CBL: variants seen among roughly 807,000 people sequenced by gnomAD.
CBL encodes Cbl proto-oncogene.
In CBL, 45 loss-of-function variants were observed where a neutral mutation model predicts 96.9. The observed-to-expected ratio is 0.46, with a 90% CI of 0.37 to 0.60. The LOEUF (loss-of-function observed/expected upper bound fraction) is 0.60. Among genes scored for constraint, CBL ranks in the 20% least tolerant of loss-of-function variants. The pLI is 0.00. For synonymous variants in CBL, 420 were observed against 426.8 expected (o/e 0.98, Z 0.20); for missense variants, 1,024 against 1,143.5 (o/e 0.90, Z 1.51).
At chr11:119,261,269 T>A (rs573904574) in intron 2 of CBL, among the ~76,000 whole-genome samples, 2 of 152,304 alleles carry the variant, frequency 1.3e-5, no homozygotes, top group East Asian at 3.9e-4. Flanking sequence ...TTTGTCCCTT[T>A]TAATAGTCTT....
At chr11:119,245,361 G>A (rs984255193) in intron 2 of CBL, among the ~76,000 whole-genome samples, 1 of 151,936 alleles carries the variant, frequency 6.6e-6, no homozygotes, top group East Asian at 1.9e-4. Context: ...TATTAAAACC[G>A]AGAGATTTAA....
At chr11:119,253,354 A>G (rs1949684977) in intron 2 of CBL, among the ~76,000 whole-genome samples, 1 of 150,064 alleles carries the variant, frequency 6.7e-6, no homozygotes, top group Non-Finnish European at 1.5e-5. Context: ...ACCGTGGCAT[A>G]TGCCTGTAGT....
chr11:119,261,753 A>G (rs1217683562), intron 2 of CBL, among the ~76,000 whole-genome samples: 11 of 152,248 alleles, frequency 7.2e-5, no homozygotes, highest in Admixed American at 5.2e-4. Context: ...AGTGAACTCA[A>G]AAGTTATTTT....
At chr11:119,237,580 A>G (rs932548486) in intron 2 of CBL, among the ~76,000 whole-genome samples, 10 of 152,176 alleles carry the variant, frequency 6.6e-5, no homozygotes, top group Non-Finnish European at 1.0e-4. Flanking sequence ...TAGAGGTCCA[A>G]CTTGATTCTC....
At chr11:119,228,728 A>G (rs1949478350) in intron 1 of CBL, among the ~76,000 whole-genome samples, 1 of 151,616 alleles carries the variant, frequency 6.6e-6, no homozygotes, top group Non-Finnish European at 1.5e-5. Context: ...TCACTCAAGC[A>G]ATCCTTCTGC....
chr11:119,278,794 C>A, intron 9 of CBL, 81 bp downstream of exon 9: 2 of 1,005,182 alleles, frequency 2.0e-6, no homozygotes, highest in Non-Finnish European at 3.2e-6. Context: ...GATATCCAAA[C>A]TACAATGATA....
At chr11:119,270,434 ATATTTTTTTTT>A (rs1565870005) in intron 2 of CBL, among the ~76,000 whole-genome samples, 2 of 41,546 alleles carry the variant, frequency 4.8e-5, no homozygotes, top group South Asian at 1.5e-3. Context: ...ATATATATAT[ATATTTTTTTTT>A]TTTTTTTTTT....
In CBL at chr11:119,305,358, T is replaced by C. The variant is rs937641858; in HGVS notation, c.*5577T>C. 2.6e-5 allele frequency: 6 copies of C among 231,908 alleles called. No individual in the cohort carries two copies. Among genetic ancestry groups the C allele is most frequent in the African/African-American group, 1.3e-4 (6 of 45,268 alleles). The allele number at this position is 231,908 out of a possible 1,614,324, so 14.4% of individuals were successfully genotyped here. A position where few individuals can be genotyped will look rare whatever the true frequency, so the allele number is the denominator to read the frequency against. The stretch of plus-strand genomic sequence containing the variant: ...AGCCTCCATTCAGCCTCAGGTCTTT[T>C]GCCTTCTTCCGTGTTTATTTAGAGA... On this transcript the variant is annotated 3_prime_UTR_variant, in exon 16 of 16. Coordinates refer to ENST00000264033, the MANE Select transcript of CBL (RefSeq NM_005188.4).
At chr11:119,286,358 A>G (rs1949984467) in intron 11 of CBL, among the ~76,000 whole-genome samples, 1 of 152,230 alleles carries the variant, frequency 6.6e-6, no homozygotes, top group African/African-American at 2.4e-5. Flanking sequence ...ATTGCAGTAA[A>G]TGTCCTTTCA....
chr11:119,213,584 A>G (rs894198020), intron 1 of CBL, among the ~76,000 whole-genome samples: 2 of 152,196 alleles, frequency 1.3e-5, no homozygotes, highest in East Asian at 3.8e-4. Flanking sequence ...CTTCTGTAAT[A>G]GTAGATACTT....
At chr11:119,299,058 T>A (rs189023722) in intron 15 of CBL, among the ~76,000 whole-genome samples, 2 of 152,344 alleles carry the variant, frequency 1.3e-5, no homozygotes, top group East Asian at 3.9e-4. Context: ...TGAAAAAGAA[T>A]ACAGCCTTCG....
chr11:119,218,524 G>A (rs1304569522), intron 1 of CBL, among the ~76,000 whole-genome samples: 4 of 152,222 alleles, frequency 2.6e-5, no homozygotes, highest in African/African-American at 7.2e-5. Context: ...TAATCCATAA[G>A]TTTTAAATTG....
intron 2 of CBL, among the ~76,000 whole-genome samples, chr11:119,246,433 C>T (rs1222332097): frequency 2.0e-5 from 3 of 151,908 alleles, no homozygotes; most frequent in African/African-American, 7.3e-5. Context: ...TCATACTTTA[C>T]CAAAACTGAA....
chr11:119,277,237 T>TCACA (rs1478200397), intron 6 of CBL, among the ~76,000 whole-genome samples: 3 of 57,882 alleles, frequency 5.2e-5, no homozygotes, highest in African/African-American at 3.0e-4. Flanking sequence ...TAAGAATCTG[T>TCACA]CGCGCACACA....
chr11:119,238,116 C>T (rs1349552381), intron 2 of CBL, among the ~76,000 whole-genome samples: 1 of 152,050 alleles, frequency 6.6e-6, no homozygotes, highest in Non-Finnish European at 1.5e-5. Flanking sequence ...AAGTGATCTG[C>T]CCACTGCAGC....
rs931319585 is a variant in CBL at position 119,305,398 on chromosome 11, C to T, written c.*5617C>T. The T allele has an allele frequency of 3.0e-5, 7 of 230,308 alleles. No homozygotes were observed. Among genetic ancestry groups the T allele is most frequent in the African/African-American group, 6.6e-5 (3 of 45,134 alleles). The allele number at this position is 230,308 out of a possible 1,614,324, so 14.3% of individuals were successfully genotyped here. A position where few individuals can be genotyped will look rare whatever the true frequency, so the allele number is the denominator to read the frequency against. On this transcript the variant is annotated 3_prime_UTR_variant, in exon 16 of 16. Transcript: ENST00000264033. The stretch of plus-strand genomic sequence containing the variant: ...TTATTTAGAGAGCAGAATCTAATAA[C>T]GGGTTCCACTGTAGCCACTATCCAT...
At chr11:119,228,058 CTT>C (rs967696815) in intron 1 of CBL, among the ~76,000 whole-genome samples, 3 of 145,978 alleles carry the variant, frequency 2.1e-5, no homozygotes, top group African/African-American at 5.0e-5. Context: ...TATGCTCACT[CTT>C]TTTTTTTTTT....
chr11:119,222,661 G>A (rs1363241509), intron 1 of CBL, among the ~76,000 whole-genome samples: 2 of 151,136 alleles, frequency 1.3e-5, no homozygotes, highest in South Asian at 2.1e-4. Flanking sequence ...AAATTTTTTG[G>A]TGAATTTTTG....
rs1333597808 is a variant in CBL, at chr11:119,302,747, C to G, written c.*2966C>G. On this transcript the variant is annotated 3_prime_UTR_variant, in exon 16 of 16. Transcript: ENST00000264033. ...CTTAAAATGGAAAAACCTGTGGGCT[C>G]TTCATATACCTCCCTTTAGTTAAGT... 1 of 230,910 alleles carries G rather than the reference C, an allele frequency of 4.3e-6. No individual in the cohort carries two copies. Among genetic ancestry groups the G allele is most frequent in the Non-Finnish European group, 8.6e-6 (1 of 116,682 alleles). 14.3% of individuals were successfully genotyped at this position (230,910 alleles called of 1,614,324 possible). A position where few individuals can be genotyped will look rare whatever the true frequency, so the allele number is the denominator to read the frequency against.
Sources: gnomAD v4.1 joint callset for allele counts (sites outside exome capture counted in the v4.1 genomes callset) on GRCh38, gnomAD v4.1.1 for gene constraint, MANE v1.5 for transcripts, NCBI Gene and HGNC (gene_info 2026-07-23, HGNC 2026-07-21) for gene names.